AFF3: variants seen among roughly 807,000 people sequenced by gnomAD.
The protein encoded by AFF3 is ALF transcription elongation factor 3.
Under a neutral mutation model 129.7 loss-of-function variants are expected in AFF3, and 32 were observed. The ratio of observed to expected loss-of-function variants is 0.25; its 90% confidence interval spans 0.19 to 0.33. AFF3 has a LOEUF of 0.33. Among genes scored for constraint, AFF3 ranks in the 10% least tolerant of loss-of-function variants. The pLI is 1.00. For synonymous variants in AFF3, 644 were observed against 635.4 expected (o/e 1.01, Z -0.20); for missense variants, 1,373 against 1,592.0 (o/e 0.86, Z 2.34).
At chr2:99,677,384 G>C (rs926297080) in intron 11 of AFF3, among the ~76,000 whole-genome samples, 19 of 152,144 alleles carry the variant, frequency 1.2e-4, no homozygotes, top group Non-Finnish European at 2.5e-4. Context: ...GCACCTCATG[G>C]TGACTTTACA....
At chr2:99,903,285 T>G (rs1175750399) in intron 7 of AFF3, among the ~76,000 whole-genome samples, 1 of 152,182 alleles carries the variant, frequency 6.6e-6, no homozygotes, top group African/African-American at 2.4e-5. Context: ...ATGTGTATCT[T>G]TTAATCAATG....
Position 100,106,637 on chromosome 2 carries a change from T to C in AFF3, c.-144-1054A>G, listed in dbSNP as rs938024322. On this transcript the variant is annotated intron_variant, in intron 2 of 24. Coordinates refer to ENST00000672756, the MANE Select transcript of AFF3 (RefSeq NM_001386135.1). Reference sequence around the variant, plus strand: ...AGTTCTGAGGCCTGAACAAGAAATGTGTCCTGTTCCCGTGCTCCTGGCTGC... The same window carrying C: ...AGTTCTGAGGCCTGAACAAGAAATGCGTCCTGTTCCCGTGCTCCTGGCTGC... The C allele has an allele frequency of 1.4e-5, 14 of 986,852 alleles. No individual in the cohort carries two copies. The African/African-American group carries it at 2.4e-4, about 17-fold the overall frequency. 61.1% of individuals were successfully genotyped at this position (986,852 alleles called of 1,614,324 possible).
chr2:100,014,683 T>C (rs943455769), intron 4 of AFF3, among the ~76,000 whole-genome samples: 47 of 151,994 alleles, frequency 3.1e-4, no homozygotes, highest in African/African-American at 1.1e-3. Context: ...GAAGAAGGGC[T>C]TAGAGGTACA....
intron 4 of AFF3, among the ~76,000 whole-genome samples, chr2:100,013,325 G>A (rs950099772): frequency 1.3e-5 from 2 of 152,240 alleles, no homozygotes; most frequent in East Asian, 1.9e-4. Context: ...TGAGCCCGAT[G>A]GCTTTTCTCT....
chr2:99,755,820 A>T (rs985415044), intron 8 of AFF3, among the ~76,000 whole-genome samples: 30 of 152,160 alleles, frequency 2.0e-4, no homozygotes, highest in African/African-American at 7.2e-4. Context: ...AAATCGGCAT[A>T]TCAAATTGCT....
chr2:99,833,441 A>G (rs537126344), intron 8 of AFF3, among the ~76,000 whole-genome samples: 16 of 152,346 alleles, frequency 1.1e-4, no homozygotes, highest in African/African-American at 3.6e-4. Context: ...CTGGAATTAA[A>G]TTAGTGCTAA....
chr2:100,119,457 C>G (rs1015074695), intron 2 of AFF3, among the ~76,000 whole-genome samples: 4 of 152,206 alleles, frequency 2.6e-5, no homozygotes, highest in Non-Finnish European at 5.9e-5. Context: ...CTGCTTAATT[C>G]CTAACCTGGT....
chr2:99,638,149 C>G (rs528734805), intron 13 of AFF3, among the ~76,000 whole-genome samples: 1 of 151,810 alleles, frequency 6.6e-6, no homozygotes, highest in African/African-American at 2.4e-5. Context: ...TCTTGGCTCA[C>G]TGCAACCTCC....
At chr2:99,729,890 TGCATTGGTCA>T (rs1279929797) in intron 10 of AFF3, among the ~76,000 whole-genome samples, 2 of 151,922 alleles carry the variant, frequency 1.3e-5, no homozygotes, top group African/African-American at 4.8e-5. Flanking sequence ...GGAGGGAATC[TGCATTGGTCA>T]TTAATAAGCT....
chr2:99,701,230 C>T (rs541742538), intron 11 of AFF3, among the ~76,000 whole-genome samples: 1 of 152,212 alleles, frequency 6.6e-6, no homozygotes, highest in East Asian at 1.9e-4. Context: ...GCTTAGGCTA[C>T]AAATGACAAA....
chr2:99,999,598 T>G (rs34490534), intron 7 of AFF3, among the ~76,000 whole-genome samples: 21,276 of 152,182 alleles, frequency 0.14, 2,114 homozygotes, highest in East Asian at 0.49. Flanking sequence ...GTTGGACACA[T>G]GAGCAGGTAA....
At chr2:100,131,017 C>T (rs531760484) in intron 1 of AFF3, among the ~76,000 whole-genome samples, 138 of 152,272 alleles carry the variant, frequency 9.1e-4, no homozygotes, top group African/African-American at 3.1e-3. Context: ...ATTTTCAGCT[C>T]CACGTTTCTC....
intron 7 of AFF3, among the ~76,000 whole-genome samples, chr2:99,903,812 C>T (rs6733591): frequency 0.36 from 55,430 of 151,896 alleles, 10,489 homozygotes; most frequent in South Asian, 0.4. Flanking sequence ...TCATTGCTAA[C>T]AACCTGCTGA....
intron 3 of AFF3, chr2:100,104,795 TGCAGCCGCC>T (rs1559128035): frequency 1.4e-6 from 1 of 721,782 alleles, no homozygotes; most frequent in Non-Finnish European, 1.6e-6. Flanking sequence ...GGCCCGCTGC[TGCAGCCGCC>T]GCCGCCGCCG....
chr2:99,585,158 G>T (rs921459689), intron 16 of AFF3, among the ~76,000 whole-genome samples: 1 of 152,190 alleles, frequency 6.6e-6, no homozygotes, highest in Non-Finnish European at 1.5e-5. Context: ...CTCGAAATGT[G>T]AGTGAAGAAA....
chr2:99,782,660 T>C (rs1684499935), intron 8 of AFF3, among the ~76,000 whole-genome samples: 1 of 152,256 alleles, frequency 6.6e-6, no homozygotes, highest in South Asian at 2.1e-4. Flanking sequence ...CTTCTGATAT[T>C]TGACCACTTT....
At chr2:99,748,135 T>A (rs1681327299) in intron 9 of AFF3, among the ~76,000 whole-genome samples, 1 of 152,148 alleles carries the variant, frequency 6.6e-6, no homozygotes, top group African/African-American at 2.4e-5. Flanking sequence ...GCAGCTCTCT[T>A]ATTCTTCACA....
intron 11 of AFF3, among the ~76,000 whole-genome samples, chr2:99,709,513 C>T (rs1677705119): frequency 6.6e-6 from 1 of 152,106 alleles, no homozygotes; most frequent in South Asian, 2.1e-4. Flanking sequence ...ACTTTGATAA[C>T]TGGGTCATGA....
intron 21 of AFF3, 93 bp downstream of exon 21, chr2:99,560,272 A>G (rs1675347324): frequency 7.4e-7 from 1 of 1,350,766 alleles, no homozygotes; most frequent in Non-Finnish European, 1.1e-6. Flanking sequence ...ATGTTAGAAG[A>G]CATTGGGCAA....
Sources: allele counts gnomAD v4.1 joint callset (sites outside exome capture counted in the v4.1 genomes callset), GRCh38; gene constraint gnomAD v4.1.1; transcripts MANE v1.5; gene names NCBI Gene and HGNC (gene_info 2026-07-23, HGNC 2026-07-21).